Variants in MDGA2 observed in about 807,000 individuals in gnomAD.
MDGA2 encodes MAM domain containing glycosylphosphatidylinositol anchor 2, also known as MAM domain-containing glycosylphosphatidylinositol anchor protein 2.
MDGA2 carries 40 observed loss-of-function variants against 117.8 expected under a neutral mutation model. The observed-to-expected ratio is 0.34, with a 90% CI of 0.26 to 0.44. The LOEUF (loss-of-function observed/expected upper bound fraction) is 0.44, where lower values mean the gene tolerates loss of function less well. MDGA2 is among the 20% of genes least tolerant of loss of function. The pLI, the probability that MDGA2 is intolerant of heterozygous loss-of-function variation, is 1.00. For synonymous variants in MDGA2, 452 were observed against 439.0 expected (o/e 1.03, Z -0.37); for missense variants, 1,123 against 1,250.6 (o/e 0.90, Z 1.54).
At chr14:46,937,815 G>C (rs1296784264) in intron 9 of MDGA2, among the ~76,000 whole-genome samples, 2 of 152,066 alleles carry the variant, frequency 1.3e-5, no homozygotes, top group Non-Finnish European at 2.9e-5. Flanking sequence ...ACAGATTAAA[G>C]GCTTAAATGT....
chr14:47,096,291 G>A (rs1457219370), intron 6 of MDGA2, among the ~76,000 whole-genome samples: 3 of 151,916 alleles, frequency 2.0e-5, no homozygotes, highest in Admixed American at 2.0e-4. Flanking sequence ...AGCCAGAAGT[G>A]GCTATACATT....
chr14:47,045,518 CTT>C (rs199993629), intron 7 of MDGA2, among the ~76,000 whole-genome samples: 4 of 151,120 alleles, frequency 2.6e-5, no homozygotes, highest in Non-Finnish European at 5.9e-5. Context: ...ATGTGGAAAA[CTT>C]TTTTTTTCTG....
At chr14:46,869,411 A>C (rs1881911246) in intron 14 of MDGA2, among the ~76,000 whole-genome samples, 2 of 149,776 alleles carry the variant, frequency 1.3e-5, no homozygotes, top group South Asian at 4.2e-4. Context: ...GAGAATTGAA[A>C]TGTCCATTAG....
intron 2 of MDGA2, among the ~76,000 whole-genome samples, chr14:47,246,112 C>T (rs1887230204): frequency 6.6e-6 from 1 of 151,814 alleles, no homozygotes; most frequent in Non-Finnish European, 1.5e-5. Flanking sequence ...CCCTCGGCAG[C>T]CCACTCCAAA....
rs185465646 is a variant in MDGA2, at chr14:47,025,746, T to C, written c.1819+9265A>G. Among the ~76,000 whole-genome samples, 43 of 151,830 alleles carry C rather than the reference T, an allele frequency of 2.8e-4. No individual in the cohort carries two copies. In the East Asian group the frequency reaches 5.0e-3, roughly 18 times the overall value. Reference sequence around the variant, plus strand: ...AAAATTATATTTTGGGCAAGAAAACTGTGTTGGAAGACTGCCATATGTGTT... The same window carrying C: ...AAAATTATATTTTGGGCAAGAAAACCGTGTTGGAAGACTGCCATATGTGTT... On this transcript the variant is annotated intron_variant, in intron 8 of 16. Transcript: ENST00000399232.
intron 1 of MDGA2, among the ~76,000 whole-genome samples, chr14:47,368,532 C>T (rs1237524267): frequency 1.3e-5 from 2 of 152,076 alleles, no homozygotes; most frequent in African/African-American, 2.4e-5. Flanking sequence ...TAGTCTTGTG[C>T]TTGCAAGGTT....
At chr14:47,238,086 T>C (rs1886923234) in intron 2 of MDGA2, among the ~76,000 whole-genome samples, 1 of 152,178 alleles carries the variant, frequency 6.6e-6, no homozygotes, top group South Asian at 2.1e-4. Context: ...CTTCAGAGCC[T>C]GTACTCTTTG....
At chr14:47,640,415 C>G (rs1333717258) in intron 1 of MDGA2, among the ~76,000 whole-genome samples, 4 of 152,080 alleles carry the variant, frequency 2.6e-5, no homozygotes, top group Non-Finnish European at 5.9e-5. Context: ...TTCCTGCCTC[C>G]AATTTTACCC....
intron 2 of MDGA2, among the ~76,000 whole-genome samples, chr14:47,221,190 T>A (rs1426213658): frequency 6.6e-6 from 1 of 151,952 alleles, no homozygotes. Flanking sequence ...TGGGTGGGAA[T>A]GTAATGCAAA....
intron 1 of MDGA2, among the ~76,000 whole-genome samples, chr14:47,635,806 T>C (rs1897311494): frequency 6.6e-6 from 1 of 151,430 alleles, no homozygotes; most frequent in South Asian, 2.1e-4. Flanking sequence ...GGAAAATTAT[T>C]CATGCCTTGT....
At chr14:47,469,067 A>G (rs1404757395) in intron 1 of MDGA2, among the ~76,000 whole-genome samples, 1 of 152,290 alleles carries the variant, frequency 6.6e-6, no homozygotes, top group East Asian at 1.9e-4. Context: ...ACATAATAGC[A>G]TAATATAAAT....
chr14:47,532,127 G>A (rs933376502), intron 1 of MDGA2, among the ~76,000 whole-genome samples: 1 of 152,136 alleles, frequency 6.6e-6, no homozygotes, highest in Non-Finnish European at 1.5e-5. Flanking sequence ...TCTTATAATT[G>A]CATCAAACAG....
intron 2 of MDGA2, among the ~76,000 whole-genome samples, chr14:47,294,556 G>GA (rs140703878): frequency 6.6e-6 from 1 of 151,306 alleles, no homozygotes; most frequent in Admixed American, 6.6e-5. Context: ...TATCACAGAC[G>GA]AAAAAAAGCA....
At chr14:47,105,230 C>A (rs1205783580) in intron 5 of MDGA2, among the ~76,000 whole-genome samples, 2 of 152,120 alleles carry the variant, frequency 1.3e-5, no homozygotes, top group African/African-American at 4.8e-5. Flanking sequence ...GGCAAGAAGC[C>A]CCCAATTGCT....
chr14:46,997,944 G>C (rs1887357118), intron 8 of MDGA2, among the ~76,000 whole-genome samples: 1 of 152,050 alleles, frequency 6.6e-6, no homozygotes, highest in Admixed American at 6.6e-5. Context: ...AACTTCTGTA[G>C]ACACTTTAAG....
intron 15 of MDGA2, among the ~76,000 whole-genome samples, chr14:46,847,781 G>A (rs1163212065): frequency 1.3e-5 from 2 of 151,976 alleles, no homozygotes; most frequent in African/African-American, 4.8e-5. Context: ...GAACAAGGCT[G>A]AGGTGACTAC....
chr14:47,287,802 G>A (rs1888738315), intron 2 of MDGA2, among the ~76,000 whole-genome samples: 1 of 152,142 alleles, frequency 6.6e-6, no homozygotes, highest in African/African-American at 2.4e-5. Flanking sequence ...TAGTTGAGAT[G>A]AGGATACTGG....
intron 1 of MDGA2, among the ~76,000 whole-genome samples, chr14:47,634,859 A>G (rs2138231271): frequency 6.6e-6 from 1 of 152,204 alleles, no homozygotes; most frequent in Admixed American, 6.5e-5. Flanking sequence ...GTTCAGGTTC[A>G]CTAACTGAAT....
intron 1 of MDGA2, among the ~76,000 whole-genome samples, chr14:47,388,593 T>G (rs1428238268): frequency 6.6e-6 from 1 of 152,180 alleles, no homozygotes; most frequent in East Asian, 1.9e-4. Flanking sequence ...CCAAGTCAGA[T>G]TCTCTTTTTC....
Sources: gnomAD v4.1 joint callset for allele counts (sites outside exome capture counted in the v4.1 genomes callset) on GRCh38, gnomAD v4.1.1 for gene constraint, MANE v1.5 for transcripts, NCBI Gene and HGNC (gene_info 2026-07-23, HGNC 2026-07-21) for gene names.